Variants in SPMIP6 observed in about 807,000 individuals in gnomAD.
SPMIP6 encodes ciliated bronchial epithelial protein 1.
At chr9:34,392,877 A>G in the SPMIP6 span, among the ~76,000 whole-genome samples, 1 of 152,336 alleles carries the variant, frequency 6.6e-6, no homozygotes, top group East Asian at 1.9e-4. The surrounding 1 kb of genome is among the most constrained non-coding windows in gnomAD (Gnocchi z 4.6). Context: ...CAGGACCCAG[A>G]GAGGTTGAAG....
the SPMIP6 span, among the ~76,000 whole-genome samples, chr9:34,394,834 A>C: frequency 6.6e-6 from 1 of 152,020 alleles, no homozygotes; most frequent in African/African-American, 2.4e-5. Context: ...TATACTTACC[A>C]CTCATCTCCA....
the SPMIP6 span, among the ~76,000 whole-genome samples, chr9:34,379,476 C>T: frequency 6.6e-6 from 1 of 152,202 alleles, no homozygotes; most frequent in Non-Finnish European, 1.5e-5. This position sits in a 1 kb window ranked among gnomAD's most constrained non-coding sequence, Gnocchi z 4.2. Context: ...TTAAGGTCCT[C>T]TGTCCTTACC....
At chr9:34,392,442 C>CGT in the SPMIP6 span, among the ~76,000 whole-genome samples, 25,666 of 147,982 alleles carry the variant, frequency 0.17, 2,420 homozygotes, top group East Asian at 0.34. The surrounding 1 kb of genome is among the most constrained non-coding windows in gnomAD (Gnocchi z 4.6). Context: ...ATCTAAAAAC[C>CGT]GTGTGTGTGT....
chr9:34,391,723 A>G, the SPMIP6 span, among the ~76,000 whole-genome samples: 1 of 152,140 alleles, frequency 6.6e-6, no homozygotes, highest in African/African-American at 2.4e-5. Flanking sequence ...GGTTAGAGAC[A>G]GTTATTTTGT....
the SPMIP6 span, chr9:34,381,002 C>G: frequency 6.2e-7 from 1 of 1,610,386 alleles, no homozygotes; most frequent in Non-Finnish European, 8.5e-7. The surrounding 1 kb of genome is among the most constrained non-coding windows in gnomAD (Gnocchi z 4.4). Flanking sequence ...GCGGCCCGAG[C>G]AAGCACTTTC....
chr9:34,380,802 C>T, the SPMIP6 span: 3 of 1,531,328 alleles, frequency 2.0e-6, no homozygotes, highest in Non-Finnish European at 1.8e-6. Context: ...GGCTGGGGGC[C>T]TGCACGGAAG....
chr9:34,379,290 C>T, the SPMIP6 span: 1 of 722,836 alleles, frequency 1.4e-6, no homozygotes, highest in Admixed American at 2.1e-5. This position sits in a 1 kb window ranked among gnomAD's most constrained non-coding sequence, Gnocchi z 4.2. Flanking sequence ...ATAGCACTGA[C>T]CTTGGGTTCC....
the SPMIP6 span, among the ~76,000 whole-genome samples, chr9:34,388,141 CTTTTT>C: frequency 7.4e-6 from 1 of 135,030 alleles, no homozygotes; most frequent in Admixed American, 7.4e-5. Flanking sequence ...AGTTTAACTG[CTTTTT>C]TTTTTTTTTT....
At chr9:34,384,830 G>A in the SPMIP6 span, among the ~76,000 whole-genome samples, 249 of 152,316 alleles carry the variant, frequency 1.6e-3, no homozygotes, top group African/African-American at 5.6e-3. Context: ...TAGAGACAGT[G>A]AGTATGGACC....
At chr9:34,391,042 T>G in the SPMIP6 span, among the ~76,000 whole-genome samples, 2 of 152,230 alleles carry the variant, frequency 1.3e-5, no homozygotes, top group Non-Finnish European at 2.9e-5. Flanking sequence ...CTTCGAGCAT[T>G]TGAGGAATGT....
chr9:34,384,352 C>T, the SPMIP6 span, among the ~76,000 whole-genome samples: 1 of 152,116 alleles, frequency 6.6e-6, no homozygotes, highest in Non-Finnish European at 1.5e-5. Context: ...CTGAGGAACC[C>T]CATGTTTCCA....
chr9:34,380,557 G>A, the SPMIP6 span: 1 of 1,287,070 alleles, frequency 7.8e-7, no homozygotes. Context: ...CCAAGGAGAT[G>A]GGGGAAGAGG....
the SPMIP6 span, among the ~76,000 whole-genome samples, chr9:34,395,426 T>C: frequency 1.3e-5 from 2 of 152,224 alleles, no homozygotes; most frequent in Non-Finnish European, 2.9e-5. Flanking sequence ...TATTGGTTTA[T>C]CTTTGATTTT....
At chr9:34,381,374 G>A in the SPMIP6 span, 2 of 1,614,072 alleles carry the variant, frequency 1.2e-6, no homozygotes, top group Non-Finnish European at 1.7e-6. This position sits in a 1 kb window ranked among gnomAD's most constrained non-coding sequence, Gnocchi z 4.4. Context: ...TTTACCGTAG[G>A]CATTGAGCCG....
chr9:34,387,031 T>A, the SPMIP6 span, among the ~76,000 whole-genome samples: 26 of 40,746 alleles, frequency 6.4e-4, no homozygotes, highest in African/African-American at 2.6e-3. Context: ...ATCCTTATGA[T>A]TTTTTTTTTT....
chr9:34,381,242 T>C, the SPMIP6 span: 1 of 1,573,070 alleles, frequency 6.4e-7, no homozygotes. This position sits in a 1 kb window ranked among gnomAD's most constrained non-coding sequence, Gnocchi z 4.4. Flanking sequence ...ACGGATAGAT[T>C]CAGGGTTCCA....
At chr9:34,394,906 C>T in the SPMIP6 span, among the ~76,000 whole-genome samples, 4 of 151,828 alleles carry the variant, frequency 2.6e-5, no homozygotes, top group Non-Finnish European at 5.9e-5. Flanking sequence ...TTTGAAGCAA[C>T]AGGGCCCTTC....
the SPMIP6 span, among the ~76,000 whole-genome samples, chr9:34,392,269 G>T: frequency 6.6e-6 from 1 of 152,022 alleles, no homozygotes; most frequent in South Asian, 2.1e-4. This position sits in a 1 kb window ranked among gnomAD's most constrained non-coding sequence, Gnocchi z 4.6. Context: ...TTGTTATGTT[G>T]TCCAGGCTGG....
chr9:34,381,476 T>G, the SPMIP6 span: 15 of 1,613,714 alleles, frequency 9.3e-6, no homozygotes, highest in African/African-American at 2.0e-4. The surrounding 1 kb of genome is among the most constrained non-coding windows in gnomAD (Gnocchi z 4.4). Context: ...CCTCAAGCTC[T>G]GACCTGGCAG....
Sources: allele counts gnomAD v4.1 joint callset (sites outside exome capture counted in the v4.1 genomes callset), GRCh38; gene constraint gnomAD v4.1.1; non-coding constraint Gnocchi (gnomAD v3.1); transcripts MANE v1.5; gene names NCBI Gene and HGNC (gene_info 2026-07-23, HGNC 2026-07-21).